The following COG5 variants were observed in gnomAD, a reference collection of about 807,000 sequenced individuals.
COG5 encodes the protein conserved oligomeric Golgi complex subunit 5.
In COG5, 86 loss-of-function variants were observed where a neutral mutation model predicts 110.4. That is an observed-to-expected ratio of 0.78 (90% CI 0.65 to 0.93). COG5 has a LOEUF of 0.93. Ranked by LOEUF, COG5 falls within the 40% of genes least tolerant of loss-of-function variation. The pLI is 0.00. For synonymous variants in COG5, 360 were observed against 334.6 expected (o/e 1.08, Z -0.83); for missense variants, 1,077 against 987.0 (o/e 1.09, Z -1.22).
chr7:107,526,324 G>A (rs1369830563), intron 6 of COG5, among the ~76,000 whole-genome samples: 2 of 152,010 alleles, frequency 1.3e-5, no homozygotes, highest in South Asian at 2.1e-4. Context: ...TAAAAGTGTT[G>A]GGCAGTTCTA....
At chr7:107,478,361 T>C (rs1797114296) in intron 6 of COG5, among the ~76,000 whole-genome samples, 1 of 151,982 alleles carries the variant, frequency 6.6e-6, no homozygotes, top group Non-Finnish European at 1.5e-5. Flanking sequence ...TTTTTAGTTG[T>C]ATGTTCTATT....
At chr7:107,520,960 A>C (rs987261189) in intron 6 of COG5, among the ~76,000 whole-genome samples, 2 of 152,176 alleles carry the variant, frequency 1.3e-5, no homozygotes, top group Non-Finnish European at 2.9e-5. Flanking sequence ...TAACTAATGA[A>C]ACAGAACAGA....
At chr7:107,289,133 C>T (rs1275385924) in intron 12 of COG5, among the ~76,000 whole-genome samples, 1 of 151,102 alleles carries the variant, frequency 6.6e-6, no homozygotes, top group Non-Finnish European at 1.5e-5. Context: ...TGTGCCCAGC[C>T]TTGTTTTATA....
chr7:107,447,859 T>C (rs1205392404), intron 6 of COG5, among the ~76,000 whole-genome samples: 1 of 152,174 alleles, frequency 6.6e-6, no homozygotes, highest in Admixed American at 6.5e-5. Context: ...ACAAATTAAT[T>C]TTATTCTTAC....
chr7:107,236,682 A>G lies in COG5; in HGVS notation c.1859T>C (p.Leu620Ser). 6.2e-7 allele frequency: 1 copy of G among 1,611,382 alleles called. No individual in the cohort carries two copies. The highest frequency in any genetic ancestry group is 8.5e-7 in the Non-Finnish European group (1 of 1,177,582). ...TMHQEDFSGSLSSSGKPDVPC... is the reference protein window; with the variant it reads ...TMHQEDFSGSSSSSGKPDVPC... Reference sequence around the variant, plus strand: ...AACATCAGGTTTTCCTGAGCTGGATAATGACCTGTAAAAGAAAAAGCAGCC... The same window carrying G: ...AACATCAGGTTTTCCTGAGCTGGATGATGACCTGTAAAAGAAAAAGCAGCC... The change falls in exon 18 of 22, where the codon TTA (leucine) becomes TCA (serine). Residue 620 changes from leucine (L) to serine (S), a missense_variant. Physicochemically the swap from Leu to Ser is moderately radical, Grantham distance 145 (BLOSUM62 -2). Transcript: ENST00000297135.
At chr7:107,533,678 A>G (rs1801372276) in intron 5 of COG5, among the ~76,000 whole-genome samples, 1 of 151,650 alleles carries the variant, frequency 6.6e-6, no homozygotes, top group Admixed American at 6.6e-5. Flanking sequence ...AAAAGACCAA[A>G]CCTACATTTG....
At chr7:107,421,875 C>T (rs1481389859) in intron 6 of COG5, among the ~76,000 whole-genome samples, 1 of 152,106 alleles carries the variant, frequency 6.6e-6, no homozygotes, top group Non-Finnish European at 1.5e-5. Context: ...CAAAGGATCT[C>T]TGAGAAATTT....
At chr7:107,457,195 T>C (rs973866859) in intron 6 of COG5, among the ~76,000 whole-genome samples, 3 of 137,606 alleles carry the variant, frequency 2.2e-5, no homozygotes, top group African/African-American at 6.1e-5. Flanking sequence ...ATTGTAACTA[T>C]AGAAATTAAT....
In COG5 at chr7:107,452,938, T is replaced by C. The variant is rs192556560; in HGVS notation, c.539-40306A>G. Reference sequence around the variant, plus strand: ...TCCTCTGGAGAGCCTTCCATGATCATTTCCCTGCAGACTAGTGTCTGTCTT... The same window carrying C: ...TCCTCTGGAGAGCCTTCCATGATCACTTCCCTGCAGACTAGTGTCTGTCTT... On this transcript the variant is annotated intron_variant, in intron 6 of 21. Transcript: ENST00000297135. 2.3e-4 allele frequency among the ~76,000 whole-genome samples: 35 copies of C among 152,326 alleles called. No homozygotes were observed. The East Asian group carries it at 6.0e-3, about 26-fold the overall frequency.
intron 6 of COG5, among the ~76,000 whole-genome samples, chr7:107,514,914 T>TATC (rs1176407656): frequency 7.0e-4 from 107 of 152,106 alleles, no homozygotes; most frequent in Non-Finnish European, 8.8e-5. Flanking sequence ...CCATGGATAT[T>TATC]ATCATCATCA....
At chr7:107,393,972 T>A (rs1463845091) in intron 7 of COG5, among the ~76,000 whole-genome samples, 4 of 151,980 alleles carry the variant, frequency 2.6e-5, no homozygotes, top group Admixed American at 1.3e-4. Flanking sequence ...ATTATTATTT[T>A]TTTTTTTGAG....
chr7:107,298,121 G>A (rs773677479), intron 12 of COG5, 21 bp downstream of exon 12: 78 of 1,335,670 alleles, frequency 5.8e-5, no homozygotes, highest in Non-Finnish European at 7.7e-5. Flanking sequence ...CCAACTAACA[G>A]GTCAAATTAA....
chr7:107,386,129 T>G (rs1790173303), intron 7 of COG5, among the ~76,000 whole-genome samples: 1 of 151,834 alleles, frequency 6.6e-6, no homozygotes, highest in African/African-American at 2.4e-5. Flanking sequence ...AGAGTTACAG[T>G]TGAAGGTAGT....
chr7:107,205,752 C>A (rs974612327), intron 21 of COG5, among the ~76,000 whole-genome samples: 1 of 152,094 alleles, frequency 6.6e-6, no homozygotes, highest in Non-Finnish European at 1.5e-5. Context: ...TTTCTTAACT[C>A]CAGGCAGCAG....
intron 6 of COG5, among the ~76,000 whole-genome samples, chr7:107,505,563 G>T (rs1361770502): frequency 6.6e-6 from 1 of 152,196 alleles, no homozygotes; most frequent in Non-Finnish European, 1.5e-5. Context: ...CCCCACCTGT[G>T]TCTGCAGTGG....
intron 14 of COG5, among the ~76,000 whole-genome samples, chr7:107,274,867 A>G (rs141284666): frequency 1.3e-5 from 2 of 152,226 alleles, no homozygotes; most frequent in African/African-American, 4.8e-5. Context: ...ACTGACTCTT[A>G]GTCCTGACAG....
At chr7:107,227,391 C>CCA (rs1416022180) in intron 19 of COG5, among the ~76,000 whole-genome samples, 1 of 151,604 alleles carries the variant, frequency 6.6e-6, no homozygotes, top group Non-Finnish European at 1.5e-5. Flanking sequence ...AACTGTTACG[C>CCA]CATAAGAAGC....
At chr7:107,435,662 A>G (rs1428122936) in intron 6 of COG5, among the ~76,000 whole-genome samples, 1 of 152,184 alleles carries the variant, frequency 6.6e-6, no homozygotes, top group Non-Finnish European at 1.5e-5. Context: ...AAAAAAAAGA[A>G]AAAAGAAAAA....
At chr7:107,233,378 C>T (rs1240533487) in intron 18 of COG5, among the ~76,000 whole-genome samples, 1 of 152,134 alleles carries the variant, frequency 6.6e-6, no homozygotes, top group East Asian at 1.9e-4. Context: ...TGTAGGAAAC[C>T]ACCTCGTGCC....
Sources: gnomAD v4.1 joint callset for allele counts (sites outside exome capture counted in the v4.1 genomes callset) on GRCh38, gnomAD v4.1.1 for gene constraint, MANE v1.5 for transcripts, NCBI Gene and HGNC (gene_info 2026-07-23, HGNC 2026-07-21) for gene names.